TMEM26: variants seen among roughly 807,000 people sequenced by gnomAD.
TMEM26 encodes the protein transmembrane protein 26.
A neutral mutation model predicts 28.8 loss-of-function variants in TMEM26; 38 were observed. The ratio of observed to expected loss-of-function variants is 1.32; its 90% CI spans 1.02 to 1.73. TMEM26 has a LOEUF of 1.73. TMEM26 is among the 40% of genes most tolerant of loss of function. The pLI is 0.00. For missense variants in TMEM26, 518 were observed against 447.1 expected (o/e 1.16, Z -1.43); for synonymous variants, 227 against 182.9 (o/e 1.24, Z -1.95).
chr10:61,418,205 A>T (rs1839685847), intron 4 of TMEM26, among the ~76,000 whole-genome samples: 1 of 151,978 alleles, frequency 6.6e-6, no homozygotes, highest in Non-Finnish European at 1.5e-5. Flanking sequence ...AACTAGGAAA[A>T]CTTTTCCTAC....
chr10:61,429,334 T>C (rs1263995275), intron 3 of TMEM26, among the ~76,000 whole-genome samples, 188 bp from the exon 4 acceptor site: 1 of 152,118 alleles, frequency 6.6e-6, no homozygotes, highest in Admixed American at 6.6e-5. Flanking sequence ...AAAGCTAATA[T>C]GGTCCTTAAG....
In TMEM26 at chr10:61,437,710, G is replaced by A. The variant is rs577554783; in HGVS notation, c.192-1462C>T. 1.7e-4 allele frequency among the ~76,000 whole-genome samples: 26 copies of A among 152,188 alleles called. 1 individual carries two copies. Among genetic ancestry groups the A allele is most frequent in the East Asian group, 9.7e-4 (5 of 5,178 alleles). On this transcript the variant is annotated intron_variant, in intron 1 of 5. Coordinates refer to ENST00000399298, the MANE Select transcript of TMEM26 (RefSeq NM_178505.8). ...TGAGGCAGGAGAATTGCTTGAACCC[G>A]GGAGGCAAATGTCGCAGCGAGCTGA... is the stretch of plus-strand genomic sequence containing the variant.
At chr10:61,415,784 G>T (rs373473159) in intron 4 of TMEM26, among the ~76,000 whole-genome samples, 46 of 152,134 alleles carry the variant, frequency 3.0e-4, no homozygotes, top group Admixed American at 1.6e-3. Context: ...TATATTAGGA[G>T]AAACATTTAT....
intron 1 of TMEM26, among the ~76,000 whole-genome samples, chr10:61,449,183 T>G (rs1346304630): frequency 6.6e-6 from 1 of 151,944 alleles, no homozygotes; most frequent in Non-Finnish European, 1.5e-5. Flanking sequence ...GAGTACATAT[T>G]TTTTTTAGCT....
chr10:61,428,266 C>T (rs911221021), intron 4 of TMEM26, among the ~76,000 whole-genome samples: 3 of 152,004 alleles, frequency 2.0e-5, no homozygotes, highest in African/African-American at 4.8e-5. Flanking sequence ...AAAGTCGTTC[C>T]GTAAACAGAT....
chr10:61,438,315 T>G (rs922461078), intron 1 of TMEM26, among the ~76,000 whole-genome samples: 3 of 152,178 alleles, frequency 2.0e-5, no homozygotes, highest in Non-Finnish European at 4.4e-5. Flanking sequence ...ACAATTAACT[T>G]TTTGACCTCA....
At chr10:61,437,942 A>C (rs1260004255) in intron 1 of TMEM26, among the ~76,000 whole-genome samples, 1 of 152,232 alleles carries the variant, frequency 6.6e-6, no homozygotes, top group Non-Finnish European at 1.5e-5. Flanking sequence ...AGACATGTTA[A>C]TTGCTCAACA....
At chr10:61,435,788 G>T (rs1839995655) in intron 2 of TMEM26, among the ~76,000 whole-genome samples, 1 of 152,114 alleles carries the variant, frequency 6.6e-6, no homozygotes, top group South Asian at 2.1e-4. Flanking sequence ...CAGGATGCCA[G>T]ATCATTGAGG....
intron 4 of TMEM26, among the ~76,000 whole-genome samples, chr10:61,416,698 A>G (rs575434989): frequency 1.3e-5 from 2 of 152,154 alleles, no homozygotes; most frequent in South Asian, 2.1e-4. Context: ...ATGCAAAATA[A>G]CTTACTAAAT....
chr10:61,410,144 A>G lies in TMEM26; in HGVS notation c.*178T>C, dbSNP rs1370823673. 1 of 637,430 alleles carries G rather than the reference A, an allele frequency of 1.6e-6. No individual in the cohort carries two copies. The highest frequency in any genetic ancestry group is 1.8e-5 in the African/African-American group (1 of 54,604). The allele number at this position is 637,430 out of a possible 1,614,324, so 39.5% of individuals were successfully genotyped here. On this transcript the variant is annotated 3_prime_UTR_variant, in exon 6 of 6. Transcript: ENST00000399298. Reference sequence around the variant, plus strand: ...ACAGAAGTTGTAGCAATAGTCACTAATCAAAGTTCCTTCTATTCAGTTGAA... The same window carrying G: ...ACAGAAGTTGTAGCAATAGTCACTAGTCAAAGTTCCTTCTATTCAGTTGAA...
intron 1 of TMEM26, among the ~76,000 whole-genome samples, chr10:61,448,109 ACT>A (rs1325700205): frequency 6.6e-6 from 1 of 152,164 alleles, no homozygotes; most frequent in African/African-American, 2.4e-5. Flanking sequence ...GAGTGAAAAG[ACT>A]CTGTGCCTTC....
chr10:61,416,478 T>C (rs1203023164), intron 4 of TMEM26, among the ~76,000 whole-genome samples: 1 of 151,998 alleles, frequency 6.6e-6, no homozygotes, highest in Non-Finnish European at 1.5e-5. Context: ...AATTACTGGA[T>C]TATATAATAA....
At chr10:61,444,449 T>C (rs752052793) in intron 1 of TMEM26, among the ~76,000 whole-genome samples, 12 of 152,170 alleles carry the variant, frequency 7.9e-5, no homozygotes, top group Non-Finnish European at 1.5e-4. Context: ...ATTGGTTCTT[T>C]AGGACGAAAG....
At chr10:61,450,942 C>T (rs1418468411) in intron 1 of TMEM26, among the ~76,000 whole-genome samples, 1 of 152,116 alleles carries the variant, frequency 6.6e-6, no homozygotes, top group Non-Finnish European at 1.5e-5. Flanking sequence ...TCTTATTCAT[C>T]ACCAGTCAAC....
intron 4 of TMEM26, among the ~76,000 whole-genome samples, chr10:61,416,736 A>G (rs978211223): frequency 9.9e-5 from 15 of 152,158 alleles, no homozygotes; most frequent in Non-Finnish European, 1.9e-4. Flanking sequence ...CTTAGCACAC[A>G]AAAAGTCATA....
At chr10:61,425,728 T>A (rs900858189) in intron 4 of TMEM26, among the ~76,000 whole-genome samples, 2 of 152,098 alleles carry the variant, frequency 1.3e-5, no homozygotes, top group African/African-American at 2.4e-5. Context: ...CAAATTAATG[T>A]CCTGGTGAGA....
intron 4 of TMEM26, among the ~76,000 whole-genome samples, chr10:61,424,059 T>C (rs550164008): frequency 6.6e-6 from 1 of 152,148 alleles, no homozygotes; most frequent in Non-Finnish European, 1.5e-5. Context: ...CTCTTACTAC[T>C]TCTATTTGAC....
chr10:61,431,381 A>G (rs775819519), intron 2 of TMEM26, 49 bp from the exon 3 acceptor site: 12 of 1,309,676 alleles, frequency 9.2e-6, no homozygotes, highest in Non-Finnish European at 1.1e-5. Context: ...TTAGCACAAT[A>G]TGGTAGAGAT....
chr10:61,415,960 C>T (rs746804830), intron 4 of TMEM26: 2 of 363,350 alleles, frequency 5.5e-6, no homozygotes, highest in Non-Finnish European at 1.1e-5. Context: ...TTTCTTTTGA[C>T]TTGAGATGGC....
Sources: allele counts gnomAD v4.1 joint callset (sites outside exome capture counted in the v4.1 genomes callset), GRCh38; gene constraint gnomAD v4.1.1; transcripts MANE v1.5; gene names NCBI Gene and HGNC (gene_info 2026-07-23, HGNC 2026-07-21).